Variants in PHKA1 observed in about 807,000 individuals in gnomAD.
The protein encoded by PHKA1 is phosphorylase kinase regulatory subunit alpha 1, also known as phosphorylase b kinase regulatory subunit alpha, skeletal muscle isoform.
In PHKA1, 60 loss-of-function variants were observed where a neutral mutation model predicts 110.2. The ratio of observed to expected loss-of-function variants is 0.54; its 90% confidence interval spans 0.44 to 0.68. The LOEUF is 0.68. Ranked by LOEUF, PHKA1 falls within the 30% of genes least tolerant of loss-of-function variation. The pLI, the probability that PHKA1 is intolerant of heterozygous loss-of-function variation, is 0.00. For missense variants in PHKA1, 801 were observed against 942.5 expected, an observed-to-expected ratio of 0.85 and a Z score of 1.97; for synonymous variants, 316 against 333.6, an observed-to-expected ratio of 0.95 and a Z score of 0.58.
chrX:72,593,277 T>G lies in PHKA1; in HGVS notation c.3073-3A>C. The stretch of plus-strand genomic sequence containing the variant: ...GGAGTCATAGAGGTTCCAGGTGACT[T>G]GGAAGAGGAGAGGAAAGAACATAAA... On this transcript the variant is annotated splice_region_variant and splice_polypyrimidine_tract_variant and intron_variant, in intron 28 of 31. Coordinates refer to ENST00000373542, the MANE Select transcript of PHKA1 (RefSeq NM_002637.4). 1 of 1,181,014 alleles carries G rather than the reference T, an allele frequency of 8.5e-7. No individual in the cohort carries two copies. Among genetic ancestry groups the G allele is most frequent in the Non-Finnish European group, 1.2e-6 (1 of 867,734 alleles).
At chrX:72,597,490 T>C (rs1556235814) in intron 28 of PHKA1, among the ~76,000 whole-genome samples, 1 of 111,629 alleles carries the variant, frequency 9.0e-6, no homozygotes, top group African/African-American at 3.3e-5. Flanking sequence ...GTGTCTGTTT[T>C]CCCTAGACTT....
intron 13 of PHKA1, among the ~76,000 whole-genome samples, chrX:72,646,343 A>AT (rs782718250): frequency 2.7e-5 from 3 of 111,370 alleles, no homozygotes; most frequent in Non-Finnish European, 5.7e-5. Flanking sequence ...CAAGCAACTC[A>AT]TTTTTTTGTT....
At chrX:72,603,544 T>C (rs1431442652) in intron 25 of PHKA1, among the ~76,000 whole-genome samples, 1 of 111,456 alleles carries the variant, frequency 9.0e-6, no homozygotes, top group East Asian at 2.8e-4. Context: ...CTGGAGGCCA[T>C]TCAGAGAAAG....
At chrX:72,681,494 T>G (rs1280404836) in intron 5 of PHKA1, among the ~76,000 whole-genome samples, 7 of 56,461 alleles carry the variant, frequency 1.2e-4, no homozygotes, top group African/African-American at 1.9e-4. Context: ...GGGAGGGAGG[T>G]GGGGGGGTCA....
At chrX:72,675,656 T>C (rs1603268765) in intron 6 of PHKA1, among the ~76,000 whole-genome samples, 2 of 109,996 alleles carry the variant, frequency 1.8e-5, no homozygotes, top group Middle Eastern at 9.3e-3. Flanking sequence ...CTGCTGCTAA[T>C]GATGATGATG....
chrX:72,668,515 A>G (rs1315875878), intron 6 of PHKA1, among the ~76,000 whole-genome samples: 1 of 112,012 alleles, frequency 8.9e-6, no homozygotes, highest in Non-Finnish European at 1.9e-5. Flanking sequence ...TTGCATTCAT[A>G]TGCATTAAAT....
At chrX:72,676,256 T>C (rs917392359) in intron 5 of PHKA1, 106 bp from the exon 6 acceptor site, 34 of 508,874 alleles carry the variant, frequency 6.7e-5, no homozygotes, top group African/African-American at 5.7e-4. Context: ...AGTAACTAAT[T>C]TGCCATATAT....
At chrX:72,605,870 T>C (rs1325912057) in intron 23 of PHKA1, among the ~76,000 whole-genome samples, 1 of 112,521 alleles carries the variant, frequency 8.9e-6, no homozygotes, top group African/African-American at 3.2e-5. Flanking sequence ...TCAAAATTTA[T>C]TTAAAACTCA....
intron 14 of PHKA1, among the ~76,000 whole-genome samples, chrX:72,643,413 G>T (rs1403178701): frequency 9.0e-6 from 1 of 111,317 alleles, no homozygotes; most frequent in African/African-American, 3.3e-5. Flanking sequence ...CCACAAACTT[G>T]GTGGCTTAAA....
intron 4 of PHKA1, among the ~76,000 whole-genome samples, chrX:72,692,853 A>G (rs1335767351): frequency 9.2e-6 from 1 of 108,350 alleles, no homozygotes; most frequent in Non-Finnish European, 1.9e-5. Context: ...AATGTTTATT[A>G]CTTCATCCTT....
At chrX:72,681,785 C>CA in intron 5 of PHKA1, among the ~76,000 whole-genome samples, 1 of 50,351 alleles carries the variant, frequency 2.0e-5, no homozygotes, top group Admixed American at 2.3e-4. Flanking sequence ...TCTGCCCAGC[C>CA]GCCCCTACTG....
At chrX:72,650,749 T>C (rs1646924781) in intron 12 of PHKA1, among the ~76,000 whole-genome samples, 3 of 111,864 alleles carry the variant, frequency 2.7e-5, no homozygotes, top group Admixed American at 9.4e-5. Context: ...TGAGACAGGG[T>C]CTTTCTCTGT....
At chrX:72,583,649 A>T (rs1034070549) in intron 30 of PHKA1, among the ~76,000 whole-genome samples, 4 of 112,557 alleles carry the variant, frequency 3.6e-5, no homozygotes, top group Admixed American at 9.4e-5. Context: ...GACTCTGTGT[A>T]AAAGCTAGTT....
At position 72,582,608 on chromosome X, in the gene PHKA1, A is replaced by G. The variant is rs1309720205; in HGVS notation, c.3298-10T>C. The G allele has an allele frequency of 9.0e-7, 1 of 1,106,044 alleles. No individual in the cohort carries two copies. Among genetic ancestry groups the G allele is most frequent in the Non-Finnish European group, 1.2e-6 (1 of 802,766 alleles). The allele number at this position is 1,106,044 out of a possible 1,213,427, so 91.2% of individuals were successfully genotyped here. A position where few individuals can be genotyped will look rare whatever the true frequency, so the allele number is the denominator to read the frequency against. On this transcript the variant is annotated splice_polypyrimidine_tract_variant and intron_variant, in intron 30 of 31. Coordinates refer to ENST00000373542, the MANE Select transcript of PHKA1 (RefSeq NM_002637.4). ...TCTCACCTGGAGTCATCTGTGATAG[A>G]GAAAAAGAAAATCACTTCCTAAGAG... is the stretch of plus-strand genomic sequence containing the variant.
At chrX:72,584,891 TCCCTCCC>T (rs1286653744) in intron 29 of PHKA1, among the ~76,000 whole-genome samples, 1 of 69,656 alleles carries the variant, frequency 1.4e-5, no homozygotes, top group Non-Finnish European at 2.7e-5. Flanking sequence ...CCTAATGCTC[TCCCTCCC>T]CCCTCCCCCC....
At chrX:72,682,294 GTCAGCCCCCCTGCCCAGCCAGCCGCCCC>G in intron 5 of PHKA1, among the ~76,000 whole-genome samples, 2 of 96,247 alleles carry the variant, frequency 2.1e-5, no homozygotes, top group East Asian at 3.8e-4. Flanking sequence ...GGTGGGGGGG[GTCAGCCCCCCTGCCCAGCCAGCCGCCCC>G]GTCCGGGAGG....
chrX:72,705,312 C>T, intron 2 of PHKA1, 67 bp from the exon 3 acceptor site: 2 of 813,350 alleles, frequency 2.5e-6, no homozygotes, highest in Non-Finnish European at 3.7e-6. Flanking sequence ...TACTCAGCAA[C>T]TGCAGATGGT....
At chrX:72,645,909 G>A (rs1556297027) in intron 13 of PHKA1, among the ~76,000 whole-genome samples, 1 of 111,910 alleles carries the variant, frequency 8.9e-6, no homozygotes, top group East Asian at 2.8e-4. Flanking sequence ...TCTGCAAAGT[G>A]TTGATGCCTA....
chrX:72,585,892 C>T (rs1178833038), intron 29 of PHKA1, among the ~76,000 whole-genome samples: 6 of 112,303 alleles, frequency 5.3e-5, no homozygotes, highest in South Asian at 3.7e-4. Flanking sequence ...ATTGCTGAGG[C>T]GTGAGTAGGT....
Sources: gnomAD v4.1 joint callset for allele counts (sites outside exome capture counted in the v4.1 genomes callset) on GRCh38, gnomAD v4.1.1 for gene constraint, MANE v1.5 for transcripts, NCBI Gene and HGNC (gene_info 2026-07-23, HGNC 2026-07-21) for gene names.